CEP85L: variants seen among roughly 807,000 people sequenced by gnomAD.
The protein encoded by CEP85L is centrosomal protein 85L.
CEP85L carries 60 observed loss-of-function variants against 100.3 expected under a neutral mutation model. The observed-to-expected ratio is 0.60, with a 90% CI of 0.49 to 0.74. The LOEUF (loss-of-function observed/expected upper bound fraction) is 0.74, where lower values mean the gene tolerates loss of function less well. Ranked by LOEUF, CEP85L falls within the 30% of genes least tolerant of loss-of-function variation. CEP85L has a pLI of 0.00. For missense variants in CEP85L, 973 were observed against 936.2 expected (o/e 1.04, Z -0.51); for synonymous variants, 319 against 322.7 (o/e 0.99, Z 0.12).
chr6:118,644,041 A>G (rs996599538), intron 1 of CEP85L, among the ~76,000 whole-genome samples: 4 of 152,252 alleles, frequency 2.6e-5, no homozygotes, highest in Non-Finnish European at 5.9e-5. Context: ...AACATTTATT[A>G]AGCACTTATG....
At position 118,461,196 on chromosome 6, in the gene CEP85L, T is replaced by A. The variant is rs577645159; in HGVS notation, c.*4209A>T. Reference sequence around the variant, plus strand: ...TGTAACCACCTAGCACCTTACTACTTCTTGTCATCACAACAATGCGATGTT... The same window carrying A: ...TGTAACCACCTAGCACCTTACTACTACTTGTCATCACAACAATGCGATGTT... On this transcript the variant is annotated 3_prime_UTR_variant, in exon 13 of 13. Transcript: ENST00000368491. 2.6e-5 allele frequency: 4 copies of A among 152,204 alleles called. No homozygotes were observed. Among genetic ancestry groups the A allele is most frequent in the African/African-American group, 9.6e-5 (4 of 41,558 alleles). The allele number at this position is 152,204 out of a possible 1,614,324, so 9.4% of individuals were successfully genotyped here.
chr6:118,540,305 C>G (rs1007335229), intron 3 of CEP85L, among the ~76,000 whole-genome samples: 8 of 152,106 alleles, frequency 5.3e-5, no homozygotes, highest in African/African-American at 1.9e-4. Flanking sequence ...AGCACAGCAC[C>G]TGACAATGTT....
chr6:118,610,764 G>GA (rs554907020), intron 2 of CEP85L, among the ~76,000 whole-genome samples: 31 of 150,436 alleles, frequency 2.1e-4, no homozygotes, highest in Middle Eastern at 3.4e-3. Context: ...AAATCAGCCA[G>GA]AAAAAAAAAT....
intron 3 of CEP85L, among the ~76,000 whole-genome samples, chr6:118,531,989 TC>T (rs1006411558): frequency 1.3e-4 from 20 of 152,268 alleles, no homozygotes; most frequent in African/African-American, 4.8e-4. Context: ...GACATGGCAA[TC>T]CCATTATTGG....
rs911929323 is a variant in CEP85L at position 118,651,467 on chromosome 6, C to T, written c.-198G>A. The T allele has an allele frequency of 6.4e-5, 84 of 1,316,498 alleles. No individual in the cohort carries two copies. The highest frequency in any genetic ancestry group is 1.5e-5 in the Non-Finnish European group (16 of 1,036,436). 81.6% of individuals were successfully genotyped at this position (1,316,498 alleles called of 1,614,324 possible). On this transcript the variant is annotated 5_prime_UTR_variant, in exon 1 of 13. It removes an upstream start codon present in the reference 5' UTR. Coordinates refer to ENST00000368491, the MANE Select transcript of CEP85L (RefSeq NM_001042475.3). Reference sequence around the variant, plus strand: ...GATTCGCCGCACTGCCGGCGCCTGCCATGGCCAAGCCGGCTGGGCTGAGGC... The same window carrying T: ...GATTCGCCGCACTGCCGGCGCCTGCTATGGCCAAGCCGGCTGGGCTGAGGC...
chr6:118,534,010 G>A (rs1777442765), intron 3 of CEP85L, among the ~76,000 whole-genome samples: 1 of 152,012 alleles, frequency 6.6e-6, no homozygotes, highest in African/African-American at 2.4e-5. Context: ...CAGGAGAATG[G>A]CTTGAACCCA....
intron 5 of CEP85L, chr6:118,502,443 C>A: frequency 5.7e-6 from 3 of 530,340 alleles, no homozygotes; most frequent in Non-Finnish European, 1.1e-5. Context: ...GGAGATATCA[C>A]CTGACGATGA....
chr6:118,515,866 A>G (rs1286938566), intron 4 of CEP85L, among the ~76,000 whole-genome samples: 1 of 152,132 alleles, frequency 6.6e-6, no homozygotes, highest in African/African-American at 2.4e-5. Flanking sequence ...CATCATCTAC[A>G]TTAGGTATTT....
chr6:118,587,514 G>A (rs1031306951), intron 2 of CEP85L, among the ~76,000 whole-genome samples: 1 of 152,172 alleles, frequency 6.6e-6, no homozygotes, highest in Non-Finnish European at 1.5e-5. Flanking sequence ...TCAGAAACTA[G>A]TCTCCTTCTG....
intron 5 of CEP85L, among the ~76,000 whole-genome samples, chr6:118,503,826 A>C (rs1219438543): frequency 1.4e-5 from 1 of 70,064 alleles, no homozygotes; most frequent in Non-Finnish European, 2.8e-5. Flanking sequence ...AAAACTATAA[A>C]ACTCCAAAAA....
intron 2 of CEP85L, among the ~76,000 whole-genome samples, chr6:118,620,994 C>T (rs1245834822): frequency 1.3e-5 from 2 of 152,082 alleles, no homozygotes; most frequent in East Asian, 1.9e-4. Context: ...AGGAGGGAAT[C>T]GACCCTGAAG....
intron 2 of CEP85L, among the ~76,000 whole-genome samples, chr6:118,578,685 C>A (rs111981007): frequency 9.2e-5 from 14 of 152,156 alleles, no homozygotes; most frequent in African/African-American, 3.4e-4. Flanking sequence ...GCCGAGACCG[C>A]GCCACTGCAC....
At chr6:118,494,760 T>C (rs1774811985) in intron 5 of CEP85L, among the ~76,000 whole-genome samples, 1 of 152,206 alleles carries the variant, frequency 6.6e-6, no homozygotes, top group Admixed American at 6.5e-5. Flanking sequence ...TTGGACATCA[T>C]GTCTACTTTC....
intron 3 of CEP85L, among the ~76,000 whole-genome samples, chr6:118,533,460 T>C (rs1436406103): frequency 5.4e-5 from 6 of 110,774 alleles, no homozygotes; most frequent in African/African-American, 2.1e-4. Flanking sequence ...TAATTGAATT[T>C]ATAATTTTTT....
chr6:118,613,972 A>G (rs1482237032), intron 2 of CEP85L, among the ~76,000 whole-genome samples: 1 of 152,166 alleles, frequency 6.6e-6, no homozygotes, highest in Non-Finnish European at 1.5e-5. Flanking sequence ...ATACACGAAA[A>G]CAATCCTTAA....
chr6:118,499,299 G>C (rs1443528370), intron 5 of CEP85L, among the ~76,000 whole-genome samples: 1 of 152,168 alleles, frequency 6.6e-6, no homozygotes, highest in Non-Finnish European at 1.5e-5. Context: ...ATCACCAACA[G>C]GCTAAAAAAG....
At chr6:118,511,703 G>C (rs1277220895) in intron 4 of CEP85L, among the ~76,000 whole-genome samples, 1 of 152,122 alleles carries the variant, frequency 6.6e-6, no homozygotes, top group Non-Finnish European at 1.5e-5. Flanking sequence ...ATGAAGTTTT[G>C]AAGGAGAGAG....
rs568180000 is a variant in CEP85L, at chr6:118,462,083, A to C, written c.*3322T>G. On this transcript the variant is annotated 3_prime_UTR_variant, in exon 13 of 13. Coordinates refer to ENST00000368491, the MANE Select transcript of CEP85L (RefSeq NM_001042475.3). ...AGAATTACTTTATAAGCTCCTTAGT[A>C]TATCAGAAATGTATGACATTCATTT... 6.6e-6 allele frequency: 1 copy of C among 152,174 alleles called. No homozygotes were observed. Among genetic ancestry groups the C allele is most frequent in the South Asian group, 2.1e-4 (1 of 4,828 alleles). 9.4% of individuals were successfully genotyped at this position (152,174 alleles called of 1,614,324 possible).
intron 3 of CEP85L, among the ~76,000 whole-genome samples, chr6:118,528,565 T>C (rs950007513): frequency 6.6e-6 from 1 of 152,216 alleles, no homozygotes. Context: ...GTCTTCCTTA[T>C]GATAGTCTTC....
Sources: allele counts gnomAD v4.1 joint callset (sites outside exome capture counted in the v4.1 genomes callset), GRCh38; gene constraint gnomAD v4.1.1; transcripts MANE v1.5; gene names NCBI Gene and HGNC (gene_info 2026-07-23, HGNC 2026-07-21).